Variants in ARHGEF33 observed in about 807,000 individuals in gnomAD.
ARHGEF33 encodes DH and coiled-coil domain-containing protein ENSP00000381780.
In ARHGEF33, 72 loss-of-function variants were observed where a neutral mutation model predicts 101.9. The ratio of observed to expected loss-of-function variants is 0.71; its 90% CI spans 0.58 to 0.86. The LOEUF (loss-of-function observed/expected upper bound fraction) is 0.86. ARHGEF33 is among the 40% of genes least tolerant of loss of function. ARHGEF33 has a pLI of 0.00. For missense variants in ARHGEF33, 1,169 were observed against 1,111.3 expected, an observed-to-expected ratio of 1.05 and a Z score of -0.74; for synonymous variants, 499 against 442.5, an observed-to-expected ratio of 1.13 and a Z score of -1.60.
intron 4 of ARHGEF33, among the ~76,000 whole-genome samples, chr2:38,926,049 G>A (rs1162950436): frequency 6.6e-6 from 1 of 152,170 alleles, no homozygotes; most frequent in Non-Finnish European, 1.5e-5. Flanking sequence ...GAAATTGAGA[G>A]CAGGAAATAG....
chr2:38,972,079 T>C, intron 17 of ARHGEF33: 1 of 655,384 alleles, frequency 1.5e-6, no homozygotes, highest in Non-Finnish European at 2.8e-6. Flanking sequence ...GATGAGAAAC[T>C]GTCCTGTGGG....
rs189702684 is a variant in ARHGEF33 at position 38,958,157 on chromosome 2, G to A, written c.1494G>A (p.Leu498=). 3.6e-5 allele frequency: 56 copies of A among 1,551,840 alleles called. No individual in the cohort carries two copies. The East Asian group carries it at 1.4e-3, about 38-fold the overall frequency. ...RDTGIHSEEL[L]QPYPSAPSSG... is the part of the protein sequence containing the mutation. ...CTGGGATCCACTCAGAAGAGTTGCT[G>A]CAACCCTACCCTTCTGCTCCCAGTT... Residue 498 remains leucine (L), a synonymous_variant, in exon 15 of 18, where the codon CTG becomes CTA. Coordinates refer to ENST00000409978, the MANE Select transcript of ARHGEF33 (RefSeq NM_001145451.5).
chr2:38,944,664 G>T (rs1667396423), intron 10 of ARHGEF33, among the ~76,000 whole-genome samples: 2 of 152,104 alleles, frequency 1.3e-5, no homozygotes, highest in South Asian at 4.2e-4. Context: ...ACTTAAAGGG[G>T]GAACAAATGC....
chr2:38,945,651 C>T (rs1196256115), intron 10 of ARHGEF33, among the ~76,000 whole-genome samples: 2 of 152,234 alleles, frequency 1.3e-5, no homozygotes, highest in Non-Finnish European at 2.9e-5. Context: ...AATCTAAAGG[C>T]GGTGTACCCT....
At chr2:38,951,961 A>T (rs1417281290) in intron 11 of ARHGEF33, among the ~76,000 whole-genome samples, 1 of 152,242 alleles carries the variant, frequency 6.6e-6, no homozygotes, top group Non-Finnish European at 1.5e-5. Context: ...TGAACACAGT[A>T]TGGACTGGTG....
chr2:38,907,084 A>T (rs1446395916), intron 2 of ARHGEF33, among the ~76,000 whole-genome samples: 1 of 152,166 alleles, frequency 6.6e-6, no homozygotes, highest in East Asian at 1.9e-4. Context: ...TGGTTGACAG[A>T]GAGCAGAGGG....
intron 4 of ARHGEF33, 107 bp downstream of exon 4, chr2:38,921,530 G>A (rs547683401): frequency 1.6e-5 from 12 of 760,016 alleles, no homozygotes; most frequent in African/African-American, 1.2e-4. Context: ...CACATATATC[G>A]TTGCACTTGT....
At chr2:38,910,507 T>C (rs1023135867) in intron 2 of ARHGEF33, among the ~76,000 whole-genome samples, 3 of 152,050 alleles carry the variant, frequency 2.0e-5, no homozygotes, top group Non-Finnish European at 4.4e-5. Flanking sequence ...GAGGCAGAGG[T>C]TGCAGTGAGC....
intron 4 of ARHGEF33, among the ~76,000 whole-genome samples, chr2:38,925,263 T>C (rs1399814759): frequency 2.0e-5 from 3 of 152,336 alleles, no homozygotes; most frequent in Admixed American, 2.0e-4. Flanking sequence ...ATGAAAATAA[T>C]TTAAGAAAAT....
chr2:38,938,350 A>G (rs1219683704), intron 9 of ARHGEF33, among the ~76,000 whole-genome samples: 3 of 152,152 alleles, frequency 2.0e-5, no homozygotes, highest in African/African-American at 7.2e-5. Flanking sequence ...CCTGGGCAAC[A>G]TAGTGAGACC....
intron 16 of ARHGEF33, among the ~76,000 whole-genome samples, chr2:38,962,880 C>T (rs191847798): frequency 1.2e-4 from 17 of 138,358 alleles, no homozygotes; most frequent in African/African-American, 2.1e-4. Context: ...AAAAATTAGC[C>T]GGGCATGGTG....
chr2:38,953,076 CTCT>C, intron 11 of ARHGEF33, 83 bp from the exon 12 acceptor site: 1 of 698,488 alleles, frequency 1.4e-6, no homozygotes, highest in South Asian at 1.6e-5. Flanking sequence ...CTGCAAAGTA[CTCT>C]TCTTTTACAT....
At chr2:38,955,328 C>T (rs1334323603) in intron 13 of ARHGEF33, among the ~76,000 whole-genome samples, 1 of 152,114 alleles carries the variant, frequency 6.6e-6, no homozygotes, top group African/African-American at 2.4e-5. Context: ...TAACCCCCAC[C>T]AGACCCTCTT....
intron 2 of ARHGEF33, among the ~76,000 whole-genome samples, chr2:38,914,376 A>G (rs1477127427): frequency 6.6e-6 from 1 of 152,160 alleles, no homozygotes; most frequent in East Asian, 1.9e-4. Flanking sequence ...CATTACAAGT[A>G]ATTTCTTAGG....
Position 38,968,762 on chromosome 2 carries a change from ACTGT to A in ARHGEF33, c.2483+2625_2483+2628del, listed in dbSNP as rs576423949. On this transcript the variant is annotated intron_variant, in intron 17 of 17. Coordinates refer to ENST00000409978, the MANE Select transcript of ARHGEF33 (RefSeq NM_001145451.5). ...AAGTAAAGGTGGAGCCACAAAGAAG[ACTGT>A]CTGTCTGGCAGGATTTCCTGGCTTT... Among the ~76,000 whole-genome samples, 146 of 152,290 alleles carry A rather than the reference ACTGT, an allele frequency of 9.6e-4. 1 individual carries two copies. The highest frequency in any genetic ancestry group is 8.0e-3 in the Admixed American group (122 of 15,306).
intron 16 of ARHGEF33, among the ~76,000 whole-genome samples, chr2:38,965,248 G>A (rs184220258): frequency 5.1e-4 from 78 of 152,202 alleles, no homozygotes; most frequent in African/African-American, 1.7e-3. Flanking sequence ...TACTTTGTTC[G>A]TATGGAATAT....
chr2:38,910,791 A>G (rs1320993079), intron 2 of ARHGEF33, among the ~76,000 whole-genome samples: 3 of 152,212 alleles, frequency 2.0e-5, no homozygotes, highest in Non-Finnish European at 4.4e-5. Context: ...GCAGATGGCT[A>G]TCAGAGCCCA....
Position 38,960,176 on chromosome 2 carries a change from C to A in ARHGEF33, c.1871C>A (p.Ala624Glu). 6.5e-7 allele frequency: 1 copy of A among 1,543,102 alleles called. No homozygotes were observed. The highest frequency in any genetic ancestry group is 8.7e-7 in the Non-Finnish European group (1 of 1,144,654). ...TTCGAGTACGGCGGCGAGATCTTCGCGCTGCCCGCGCCCTACGACGAGGAG... is the reference window on the plus strand; with the variant it reads ...TTCGAGTACGGCGGCGAGATCTTCGAGCTGCCCGCGCCCTACGACGAGGAG... ...EEFEYGGEIF[A>E]LPAPYDEEPF... Residue 624 changes from alanine (A) to glutamate (E), a missense_variant, in exon 16 of 18, where the codon GCG becomes GAG. Coordinates refer to ENST00000409978, the MANE Select transcript of ARHGEF33 (RefSeq NM_001145451.5).
At chr2:38,953,706 C>T (rs1667669833) in intron 12 of ARHGEF33, among the ~76,000 whole-genome samples, 1 of 152,202 alleles carries the variant, frequency 6.6e-6, no homozygotes, top group East Asian at 1.9e-4. Flanking sequence ...ACATCTATAA[C>T]AACTTAGTTA....
Sources: allele counts gnomAD v4.1 joint callset (sites outside exome capture counted in the v4.1 genomes callset), GRCh38; gene constraint gnomAD v4.1.1; transcripts MANE v1.5; gene names NCBI Gene and HGNC (gene_info 2026-07-23, HGNC 2026-07-21).